Variants in KCTD10 observed in about 807,000 individuals in gnomAD.
The protein encoded by KCTD10 is potassium channel tetramerization domain containing 10.
A neutral mutation model predicts 34.6 loss-of-function variants in KCTD10; 13 were observed. The observed-to-expected ratio is 0.38, with a 90% CI of 0.24 to 0.60. The LOEUF (loss-of-function observed/expected upper bound fraction) is 0.60, where lower values mean the gene tolerates loss of function less well. Ranked by LOEUF, KCTD10 falls within the 20% of genes least tolerant of loss-of-function variation. KCTD10 has a pLI of 0.66. For missense variants in KCTD10, 256 were observed against 420.3 expected (o/e 0.61, Z 3.42); for synonymous variants, 156 against 168.8 (o/e 0.92, Z 0.59).
intron 1 of KCTD10, chr12:109,470,613 C>T: frequency 2.0e-6 from 2 of 984,814 alleles, no homozygotes; most frequent in Non-Finnish European, 2.4e-6. Flanking sequence ...GGGGTAGCCC[C>T]CACGGCTGGC....
chr12:109,463,221 C>T (rs1389704162), intron 2 of KCTD10, among the ~76,000 whole-genome samples: 4 of 152,198 alleles, frequency 2.6e-5, no homozygotes, highest in African/African-American at 9.7e-5. Context: ...AGACCCAGGG[C>T]CCTGAAATCA....
chr12:109,458,755 C>G (rs544393216), intron 3 of KCTD10: 1 of 153,238 alleles, frequency 6.5e-6, no homozygotes, highest in Non-Finnish European at 1.5e-5. Flanking sequence ...TCCAGATCCC[C>G]AAAGGCAGCC....
intron 2 of KCTD10, among the ~76,000 whole-genome samples, chr12:109,463,888 C>T (rs1873470977): frequency 6.6e-6 from 1 of 152,236 alleles, no homozygotes; most frequent in Admixed American, 6.5e-5. Context: ...CTTTAACAAT[C>T]TCATCTTTCA....
rs1360409433 is a variant in KCTD10, at chr12:109,456,283, A to G, written c.558T>C (p.Ile186=). The G allele has an allele frequency of 3.1e-6, 5 of 1,614,064 alleles. No homozygotes were observed. Among genetic ancestry groups the G allele is most frequent in the East Asian group, 2.2e-5 (1 of 44,894 alleles). ...GCAGAGACAGCTTATCAAACAGTTC[A>G]ATGTTTTTCAACATATTGTCGTCAG... ...SNSDDNMLKN[I]ELFDKLSLRF... The change falls in exon 6 of 7, where the codon ATT becomes ATC. Residue 186 remains isoleucine (I), a synonymous_variant. Coordinates refer to ENST00000228495, the MANE Select transcript of KCTD10 (RefSeq NM_031954.5).
chr12:109,456,339 A>G, intron 5 of KCTD10, 26 bp from the exon 6 acceptor site: 1 of 1,607,960 alleles, frequency 6.2e-7, no homozygotes, highest in Non-Finnish European at 8.5e-7. Flanking sequence ...TGATACGGTG[A>G]CCACAAGCTG....
intron 2 of KCTD10, among the ~76,000 whole-genome samples, chr12:109,468,590 T>C (rs1873706572): frequency 6.6e-6 from 1 of 151,800 alleles, no homozygotes; most frequent in African/African-American, 2.4e-5. Context: ...TGTCAGGGGC[T>C]CTTTGATCAT....
chr12:109,460,629 T>C lies in KCTD10; in HGVS notation c.387+7A>G. ...CCACCCATATGGGAAGAAAGGGTGA[T>C]GCCTACTTGTAGGGCCGCCTGGCAC... On this transcript the variant is annotated splice_region_variant and intron_variant, in intron 3 of 6. Coordinates refer to ENST00000228495, the MANE Select transcript of KCTD10 (RefSeq NM_031954.5). This position sits in a 1 kb window ranked among gnomAD's most constrained non-coding sequence, Gnocchi z 4.5. 1 of 1,612,284 alleles carries C rather than the reference T, an allele frequency of 6.2e-7. No individual in the cohort carries two copies. Among genetic ancestry groups the C allele is most frequent in the African/African-American group, 1.3e-5 (1 of 75,000 alleles).
In KCTD10 at chr12:109,460,749, G is replaced by T. The variant is rs923346914; in HGVS notation, c.274C>A (p.Arg92=). The T allele has an allele frequency of 1.9e-6, 3 of 1,614,052 alleles. No individual in the cohort carries two copies. Among genetic ancestry groups the T allele is most frequent in the Non-Finnish European group, 2.5e-6 (3 of 1,180,024 alleles). The change falls in exon 3 of 7, where the codon CGA becomes AGA. Residue 92 remains arginine (R), a synonymous_variant. Transcript: ENST00000228495. The surrounding 1 kb of genome is among the most constrained non-coding windows in gnomAD (Gnocchi z 4.5). ...KHFGTILNYL[R]DGAVPLPESR... ...TCGGGTAAAGGCACCGCCCCGTCTC[G>T]AAGGTAGTTGAGTATCGTACCAAAG...
intron 1 of KCTD10, among the ~76,000 whole-genome samples, chr12:109,476,506 G>C (rs1177002307): frequency 6.6e-6 from 1 of 152,144 alleles, no homozygotes; most frequent in Non-Finnish European, 1.5e-5. Context: ...CCACAGCTGA[G>C]AGACAGATCT....
intron 2 of KCTD10, chr12:109,468,956 C>A (rs376205181): frequency 6.6e-6 from 1 of 152,326 alleles, no homozygotes; most frequent in Non-Finnish European, 1.5e-5. Context: ...CCAGCCGATT[C>A]TTTGCCTTTT....
intron 1 of KCTD10, chr12:109,471,099 A>C: frequency 1.0e-6 from 1 of 985,424 alleles, no homozygotes; most frequent in Middle Eastern, 5.2e-4. Flanking sequence ...GGGCACTGAC[A>C]GCACATAACT....
chr12:109,460,858 G>A lies in KCTD10; in HGVS notation c.218-53C>T. ...TACATGGGCCCTCCTCTTGTGGGAGGCCCTGAGCAGAGCTGGGGTGTCTCT... is the reference window on the plus strand; with the variant it reads ...TACATGGGCCCTCCTCTTGTGGGAGACCCTGAGCAGAGCTGGGGTGTCTCT... On this transcript the variant is annotated intron_variant, in intron 2 of 6. Coordinates refer to ENST00000228495, the MANE Select transcript of KCTD10 (RefSeq NM_031954.5). The surrounding 1 kb of genome is among the most constrained non-coding windows in gnomAD (Gnocchi z 4.5). The A allele has an allele frequency of 1.9e-6, 3 of 1,572,208 alleles. No homozygotes were observed. The highest frequency in any genetic ancestry group is 2.6e-6 in the Non-Finnish European group (3 of 1,147,536).
At chr12:109,464,506 G>A (rs1163644884) in intron 2 of KCTD10, among the ~76,000 whole-genome samples, 2 of 152,074 alleles carry the variant, frequency 1.3e-5, no homozygotes, top group African/African-American at 2.4e-5. Flanking sequence ...GGATGTAAGT[G>A]TAAAAAAGCG....
chr12:109,468,198 A>G (rs1243105670), intron 2 of KCTD10, among the ~76,000 whole-genome samples: 1 of 152,072 alleles, frequency 6.6e-6, no homozygotes, highest in Non-Finnish European at 1.5e-5. Context: ...CTGAACAGAA[A>G]CCGGAGTTCA....
At chr12:109,461,243 C>T (rs1041832639) in intron 2 of KCTD10, among the ~76,000 whole-genome samples, 1 of 152,210 alleles carries the variant, frequency 6.6e-6, no homozygotes, top group Admixed American at 6.5e-5. Flanking sequence ...CAAACTGTCA[C>T]ATTAACAGAG....
In KCTD10 at chr12:109,460,588, T is replaced by C. The variant is rs765406416; in HGVS notation, c.387+48A>G. On this transcript the variant is annotated intron_variant, in intron 3 of 6. Coordinates refer to ENST00000228495, the MANE Select transcript of KCTD10 (RefSeq NM_031954.5). This position sits in a 1 kb window ranked among gnomAD's most constrained non-coding sequence, Gnocchi z 4.5. ...AGAGAGGGAAAATGAGGAAGGCAGG[T>C]AGGCTTGGTGCCTCTCCACCCATAT... 2.6e-6 allele frequency: 4 copies of C among 1,564,694 alleles called. No homozygotes were observed. Among genetic ancestry groups the C allele is most frequent in the Non-Finnish European group, 3.5e-6 (4 of 1,148,052 alleles).
At position 109,460,708 on chromosome 12, in the gene KCTD10, G is replaced by A. The variant is rs758410649; in HGVS notation, c.315C>T (p.Ile105=). The change falls in exon 3 of 7, where the codon ATC becomes ATT. Residue 105 remains isoleucine (I), a synonymous_variant. Transcript: ENST00000228495. The surrounding 1 kb of genome is among the most constrained non-coding windows in gnomAD (Gnocchi z 4.5). ...AVPLPESRRE[I]EELLAEAKYY... is the part of the protein sequence containing the mutation. ...ACTTGGCTTCTGCTAGCAGCTCCTC[G>A]ATCTCCCGGCGGCTCTCGGGTAAAG... The A allele has an allele frequency of 2.5e-6, 4 of 1,614,010 alleles. No homozygotes were observed. Among genetic ancestry groups the A allele is most frequent in the Admixed American group, 1.7e-5 (1 of 59,992 alleles).
intron 2 of KCTD10, among the ~76,000 whole-genome samples, chr12:109,464,258 CT>C (rs1873488390): frequency 6.6e-6 from 1 of 152,186 alleles, no homozygotes; most frequent in Non-Finnish European, 1.5e-5. Context: ...TGCCTCATTC[CT>C]GATCAGAATC....
intron 1 of KCTD10, among the ~76,000 whole-genome samples, chr12:109,474,637 C>T (rs1358476910): frequency 6.6e-6 from 1 of 152,122 alleles, no homozygotes; most frequent in Non-Finnish European, 1.5e-5. Flanking sequence ...ATTTAAGCTA[C>T]CATTAACTCC....
Sources: allele counts gnomAD v4.1 joint callset (sites outside exome capture counted in the v4.1 genomes callset), GRCh38; gene constraint gnomAD v4.1.1; non-coding constraint Gnocchi (gnomAD v3.1); transcripts MANE v1.5; gene names NCBI Gene and HGNC (gene_info 2026-07-23, HGNC 2026-07-21).